The following SNAP91 variants were observed in gnomAD, a reference collection of about 807,000 sequenced individuals.
SNAP91 encodes the protein synaptosome associated protein 91.
SNAP91 carries 27 observed loss-of-function variants against 100.3 expected under a neutral mutation model. That is an observed-to-expected ratio of 0.27 (90% confidence interval 0.20 to 0.37). SNAP91 has a LOEUF of 0.37. SNAP91 is among the 10% of genes least tolerant of loss of function. The probability of loss-of-function intolerance (pLI) is 1.00; values close to 1 mark genes in which losing one functional copy is unlikely to be tolerated. For synonymous variants in SNAP91, 404 were observed against 398.6 expected (o/e 1.01, Z -0.16); for missense variants, 986 against 1,123.7 (o/e 0.88, Z 1.75).
chr6:83,703,951 A>G (rs1347942761), intron 2 of SNAP91, among the ~76,000 whole-genome samples: 5 of 152,352 alleles, frequency 3.3e-5, no homozygotes, highest in Admixed American at 6.5e-5. Flanking sequence ...AATGAATCAC[A>G]TGGCAGGGCT....
intron 18 of SNAP91, 108 bp downstream of exon 18, chr6:83,593,370 T>C (rs1796222197): frequency 6.6e-7 from 1 of 1,515,690 alleles, no homozygotes; most frequent in Non-Finnish European, 8.9e-7. Flanking sequence ...AAGCAGCAAA[T>C]GGTTTCTAGA....
At chr6:83,564,055 G>A (rs957247179) in intron 26 of SNAP91, among the ~76,000 whole-genome samples, 7 of 151,926 alleles carry the variant, frequency 4.6e-5, no homozygotes, top group African/African-American at 1.7e-4. Context: ...AAACAGTTTT[G>A]AAAAAGAACA....
At chr6:83,566,036 A>G (rs1355876193) in intron 26 of SNAP91, among the ~76,000 whole-genome samples, 1 of 152,216 alleles carries the variant, frequency 6.6e-6, no homozygotes, top group Non-Finnish European at 1.5e-5. Context: ...TGTAATAGAA[A>G]CAACATAAGT....
rs144620539 is a variant in SNAP91, at chr6:83,573,975, T to C, written c.2442+1035A>G. Reference sequence around the variant, plus strand: ...ATGGGATCTAATTAAACTAAAGAGCTTCTGCACAGCAAAAGAAACTACCAT... The same window carrying C: ...ATGGGATCTAATTAAACTAAAGAGCCTCTGCACAGCAAAAGAAACTACCAT... On this transcript the variant is annotated intron_variant, in intron 26 of 29. Coordinates refer to ENST00000369694, the MANE Select transcript of SNAP91 (RefSeq NM_001242792.2). Among the ~76,000 whole-genome samples, 649 of 152,284 alleles carry C rather than the reference T, an allele frequency of 4.3e-3. 1 individual carries two copies. The highest frequency in any genetic ancestry group is 0.014 in the African/African-American group (602 of 41,548).
intron 8 of SNAP91, among the ~76,000 whole-genome samples, chr6:83,633,952 T>TG (rs1429435905): frequency 3.1e-5 from 3 of 97,486 alleles, no homozygotes; most frequent in Admixed American, 2.9e-4. Context: ...GGAACTGTTG[T>TG]GGGTGGGGGG....
At position 83,607,648 on chromosome 6, in the gene SNAP91, A is replaced by G. The variant is rs901139910; in HGVS notation, c.1022+51T>C. 9 of 1,216,550 alleles carry G rather than the reference A, an allele frequency of 7.4e-6. No individual in the cohort carries two copies. The Admixed American group carries it at 1.6e-4, about 21-fold the overall frequency. 75.4% of individuals were successfully genotyped at this position (1,216,550 alleles called of 1,614,324 possible). ...GGGTACAGCACATAAAAATAAAACC[A>G]AACTCTAATAAAATATTAATAAACA... is the stretch of plus-strand genomic sequence containing the variant. On this transcript the variant is annotated intron_variant, in intron 13 of 29. Coordinates refer to ENST00000369694, the MANE Select transcript of SNAP91 (RefSeq NM_001242792.2).
At chr6:83,678,712 C>T (rs1420376163) in intron 2 of SNAP91, 1 of 1,268,330 alleles carries the variant, frequency 7.9e-7, no homozygotes, top group Non-Finnish European at 1.0e-6. Flanking sequence ...TGCTCCTCCC[C>T]TATTGAGAAT....
chr6:83,663,903 G>A (rs531794263), intron 3 of SNAP91, among the ~76,000 whole-genome samples: 12 of 152,120 alleles, frequency 7.9e-5, no homozygotes, highest in Non-Finnish European at 1.5e-4. Flanking sequence ...CTCTTGTTAG[G>A]GGCTAATGCA....
At chr6:83,666,702 T>C (rs1480309293) in intron 2 of SNAP91, among the ~76,000 whole-genome samples, 1 of 152,102 alleles carries the variant, frequency 6.6e-6, no homozygotes, top group Non-Finnish European at 1.5e-5. Context: ...GAATTATAAG[T>C]GGATCAAGGC....
At chr6:83,708,325 T>G in intron 1 of SNAP91, 1 of 175,358 alleles carries the variant, frequency 5.7e-6, no homozygotes. Context: ...GTTGGGGTTA[T>G]TCCCTGGGCG....
intron 2 of SNAP91, among the ~76,000 whole-genome samples, chr6:83,670,050 A>C (rs1399693994): frequency 6.6e-6 from 1 of 151,888 alleles, no homozygotes; most frequent in African/African-American, 2.4e-5. Context: ...GTAAACATTT[A>C]ATTTTAGGGA....
intron 2 of SNAP91, among the ~76,000 whole-genome samples, chr6:83,682,172 C>CTTTTTTTTTTTTTT (rs59549595): frequency 1.6e-5 from 2 of 123,500 alleles, no homozygotes; most frequent in Non-Finnish European, 1.6e-5. Context: ...TTCTTTAATT[C>CTTTTTTTTTTTTTT]TTTTTTTTTT....
intron 2 of SNAP91, among the ~76,000 whole-genome samples, chr6:83,695,522 G>C (rs2099195073): frequency 6.6e-6 from 1 of 151,854 alleles, no homozygotes; most frequent in Non-Finnish European, 1.5e-5. Context: ...AACAAATTTG[G>C]GGGAAACAAA....
chr6:83,687,877 T>C (rs752663196), intron 2 of SNAP91, among the ~76,000 whole-genome samples: 1 of 151,754 alleles, frequency 6.6e-6, no homozygotes, highest in Non-Finnish European at 1.5e-5. Context: ...AATAAAGGAG[T>C]CAAGCAACTT....
intron 8 of SNAP91, among the ~76,000 whole-genome samples, chr6:83,628,900 G>T (rs1038896167): frequency 2.0e-5 from 3 of 151,854 alleles, no homozygotes; most frequent in Admixed American, 6.6e-5. Context: ...TGTTTTTATT[G>T]CGTTTGCTTT....
chr6:83,687,384 A>AATTCAACTAAAATATAAGTGGT (rs2099074480), intron 2 of SNAP91, among the ~76,000 whole-genome samples: 1 of 152,218 alleles, frequency 6.6e-6, no homozygotes, highest in African/African-American at 2.4e-5. Context: ...ATTCACCTGA[A>AATTCAACTAAAATATAAGTGGT]ATTCAACTAA....
At chr6:83,672,108 T>C (rs2098795838) in intron 2 of SNAP91, among the ~76,000 whole-genome samples, 1 of 152,164 alleles carries the variant, frequency 6.6e-6, no homozygotes, top group African/African-American at 2.4e-5. Context: ...TCAGCTACCT[T>C]ACTAATCTTT....
chr6:83,680,180 A>C (rs1365171751), intron 2 of SNAP91, among the ~76,000 whole-genome samples: 2 of 152,078 alleles, frequency 1.3e-5, no homozygotes, highest in African/African-American at 4.8e-5. Flanking sequence ...TTATCATATT[A>C]CTTCCCCCCC....
In SNAP91 at chr6:83,640,970, TG is replaced by T. The variant is rs2097674923; in HGVS notation, c.765+125del. Reference sequence around the variant, plus strand: ...AAAGTCACTTCCAACCTTAATATACTGTGACTCCGAGGCACTTCCAACCCTA... The same window carrying T: ...AAAGTCACTTCCAACCTTAATATACTTGACTCCGAGGCACTTCCAACCCTA... On this transcript the variant is annotated intron_variant, in intron 8 of 29. Coordinates refer to ENST00000369694, the MANE Select transcript of SNAP91 (RefSeq NM_001242792.2). The T allele has an allele frequency of 4.4e-5, 23 of 518,844 alleles. No homozygotes were observed. In the South Asian group the frequency reaches 8.4e-4, roughly 19 times the overall value. The allele number at this position is 518,844 out of a possible 1,614,324, so 32.1% of individuals were successfully genotyped here.
Sources: allele counts gnomAD v4.1 joint callset (sites outside exome capture counted in the v4.1 genomes callset), GRCh38; gene constraint gnomAD v4.1.1; transcripts MANE v1.5; gene names NCBI Gene and HGNC (gene_info 2026-07-23, HGNC 2026-07-21).